The following ZNF570 variants were observed in gnomAD, a reference collection of about 807,000 sequenced individuals.
ZNF570 encodes zinc finger protein 570.
In ZNF570, 8 loss-of-function variants were observed where a neutral mutation model predicts 14.2. The observed-to-expected ratio is 0.56, with a 90% CI of 0.33 to 1.02. The LOEUF is 1.02. Ranked by LOEUF, ZNF570 falls within the 50% of genes least tolerant of loss-of-function variation. ZNF570 has a pLI of 0.03. For missense variants in ZNF570, 559 were observed against 624.9 expected (o/e 0.89, Z 1.12); for synonymous variants, 202 against 207.6 (o/e 0.97, Z 0.23).
At chr19:37,470,915 G>T (rs1170535996) in intron 2 of ZNF570, among the ~76,000 whole-genome samples, 1 of 151,094 alleles carries the variant, frequency 6.6e-6, no homozygotes. Context: ...GGCCAGGATG[G>T]TCTGAAACTC....
chr19:37,479,180 A>G (rs982289787), intron 4 of ZNF570, among the ~76,000 whole-genome samples: 3 of 151,984 alleles, frequency 2.0e-5, no homozygotes, highest in African/African-American at 4.8e-5. Flanking sequence ...CCTAGAGGCA[A>G]TTAGGGTATT....
In ZNF570 at chr19:37,472,598, C is replaced by T. The variant is rs1600377338; in HGVS notation, c.33+2211C>T. Among the ~76,000 whole-genome samples the T allele has an allele frequency of 3.3e-5, 5 of 151,894 alleles. No individual in the cohort carries two copies. The East Asian group carries it at 5.8e-4, about 18-fold the overall frequency. On this transcript the variant is annotated intron_variant, in intron 2 of 4. Coordinates refer to ENST00000330173, the MANE Select transcript of ZNF570 (RefSeq NM_144694.5). ...TCTACTAAAAACACAAAAAATTAAC[C>T]GGGCGTAGTTGCGCATGCCTGTAAT...
Position 37,483,918 on chromosome 19 carries a change from A to G in ZNF570, c.296A>G (p.Lys99Arg), listed in dbSNP as rs1177320359. ...TGTGAGACTGAAGAATTAACCCCAAAGCAGGATTTTTATGAAGAACATCAA... is the reference window on the plus strand; with the variant it reads ...TGTGAGACTGAAGAATTAACCCCAAGGCAGGATTTTTATGAAGAACATCAA... ...PICETEELTP[K>R]QDFYEEHQSQ... Residue 99 changes from lysine (K) to arginine (R), a missense_variant, in exon 5 of 5, where the codon AAG becomes AGG. Coordinates refer to ENST00000330173, the MANE Select transcript of ZNF570 (RefSeq NM_144694.5). 13 of 1,613,030 alleles carry G rather than the reference A, an allele frequency of 8.1e-6. No individual in the cohort carries two copies. The highest frequency in any genetic ancestry group is 1.0e-5 in the Non-Finnish European group (12 of 1,179,740).
At chr19:37,480,287 C>T (rs1414316363) in intron 4 of ZNF570, among the ~76,000 whole-genome samples, 1 of 151,614 alleles carries the variant, frequency 6.6e-6, no homozygotes, top group African/African-American at 2.4e-5. Flanking sequence ...AAATCGAGAC[C>T]AGCCTGGCTA....
Position 37,484,490 on chromosome 19 carries a change from G to A in ZNF570, c.868G>A (p.Val290Ile). ...AGCCTTCAGTCAGAATGCACACCTA[G>A]TTCAACATCTGCGAGTTCATACTGG... ...RKAFSQNAHL[V>I]QHLRVHTGEK... The change falls in exon 5 of 5, where the codon GTT becomes ATT. Residue 290 changes from valine to isoleucine, a missense_variant. Physicochemically the swap from Val to Ile is conservative, Grantham distance 29. Coordinates refer to ENST00000330173, the MANE Select transcript of ZNF570 (RefSeq NM_144694.5). 6.2e-7 allele frequency: 1 copy of A among 1,613,928 alleles called. No individual in the cohort carries two copies. The highest frequency in any genetic ancestry group is 8.5e-7 in the Non-Finnish European group (1 of 1,179,940).
upstream of ZNF570, chr19:37,468,095 T>C (rs923116650): frequency 3.2e-6 from 2 of 634,360 alleles, no homozygotes; most frequent in East Asian, 2.9e-5. Flanking sequence ...GTTTGTTTTG[T>C]TTTTTTTGAG....
chr19:37,469,235 G>A, upstream of ZNF570: 16 of 1,362,602 alleles, frequency 1.2e-5, no homozygotes, highest in South Asian at 6.5e-5. Flanking sequence ...GAGCTGCACC[G>A]CTGCTGCCAG....
chr19:37,481,047 T>C (rs1212910204), intron 4 of ZNF570, among the ~76,000 whole-genome samples: 1 of 152,194 alleles, frequency 6.6e-6, no homozygotes, highest in East Asian at 1.9e-4. Flanking sequence ...TTTATAAATA[T>C]TTATATACTA....
At chr19:37,481,355 A>G (rs914952271) in intron 4 of ZNF570, among the ~76,000 whole-genome samples, 11 of 151,898 alleles carry the variant, frequency 7.2e-5, no homozygotes, top group African/African-American at 1.9e-4. Flanking sequence ...GGGTTTCACT[A>G]TGTTGGCCAG....
At chr19:37,476,189 A>T (rs2042021136) in intron 3 of ZNF570, 150 bp from the exon 4 acceptor site, 2 of 1,255,142 alleles carry the variant, frequency 1.6e-6, no homozygotes, top group South Asian at 3.2e-5. Flanking sequence ...CTGAAGCTTC[A>T]TCTTCCTTAT....
Position 37,484,448 on chromosome 19 carries a change from T to G in ZNF570, c.826T>G (p.Cys276Gly). The change falls in exon 5 of 5, where the codon TGT becomes GGT. Residue 276 changes from cysteine (C) to glycine (G), a missense_variant. Coordinates refer to ENST00000330173, the MANE Select transcript of ZNF570 (RefSeq NM_144694.5). ...TCATACTGGAGAAAAACCCTATGAA[T>G]GTAAGGAATGTAGGAAAGCCTTCAG... ...RIHTGEKPYE[C>G]KECRKAFSQN... 1 of 1,614,068 alleles carries G rather than the reference T, an allele frequency of 6.2e-7. No individual in the cohort carries two copies. The highest frequency in any genetic ancestry group is 8.5e-7 in the Non-Finnish European group (1 of 1,180,002).
At chr19:37,471,499 C>T (rs2041964166) in intron 2 of ZNF570, among the ~76,000 whole-genome samples, 1 of 152,212 alleles carries the variant, frequency 6.6e-6, no homozygotes, top group Admixed American at 6.5e-5. Flanking sequence ...GTCCCTCATC[C>T]TGTTCTCTAC....
rs1266876508 is a variant in ZNF570 at position 37,484,150 on chromosome 19, G to T, written c.528G>T (p.Leu176=). ...KSWGSFHQNP[L]LCTQKIIPKE... is the part of the protein sequence containing the mutation. ...GGGGAAGTTTTCATCAGAACCCACT[G>T]CTTTGTACACAAAAGATAATCCCCA... is the stretch of plus-strand genomic sequence containing the variant. The change falls in exon 5 of 5, where the codon CTG becomes CTT. Residue 176 remains leucine (L), a synonymous_variant. Transcript: ENST00000330173. 6.2e-7 allele frequency: 1 copy of T among 1,613,694 alleles called. No individual in the cohort carries two copies. The highest frequency in any genetic ancestry group is 2.2e-5 in the East Asian group (1 of 44,870).
At chr19:37,469,669 G>T in intron 1 of ZNF570, 112 bp downstream of exon 1, 1 of 1,161,682 alleles carries the variant, frequency 8.6e-7, no homozygotes, top group South Asian at 1.4e-5. Flanking sequence ...AGTTGAGGCG[G>T]GAGCGGGCGA....
intron 2 of ZNF570, among the ~76,000 whole-genome samples, chr19:37,474,419 A>C (rs1235454885): frequency 6.6e-6 from 1 of 152,162 alleles, no homozygotes; most frequent in Non-Finnish European, 1.5e-5. Flanking sequence ...GTGACTGAGC[A>C]TTGAACTTGA....
chr19:37,485,374 C>T lies in ZNF570; in HGVS notation c.*141C>T. On this transcript the variant is annotated 3_prime_UTR_variant, in exon 5 of 5. Coordinates refer to ENST00000330173, the MANE Select transcript of ZNF570 (RefSeq NM_144694.5). ...TATTTATTTTTGCTACCTTTAAATC[C>T]ATTTCCCACAATGCACTCAAACGGA... 1.2e-6 allele frequency: 1 copy of T among 801,156 alleles called. No homozygotes were observed. The highest frequency in any genetic ancestry group is 1.8e-6 in the Non-Finnish European group (1 of 550,694). 49.6% of individuals were successfully genotyped at this position (801,156 alleles called of 1,614,324 possible).
chr19:37,470,695 C>CTTTTTTTTT (rs760686313), intron 2 of ZNF570, among the ~76,000 whole-genome samples: 58 of 92,978 alleles, frequency 6.2e-4, no homozygotes, highest in Admixed American at 7.9e-4. Context: ...CTTATTTATT[C>CTTTTTTTTT]TTTTTTTTTT....
chr19:37,473,203 A>G (rs2041988211), intron 2 of ZNF570, among the ~76,000 whole-genome samples: 1 of 152,230 alleles, frequency 6.6e-6, no homozygotes, highest in East Asian at 1.9e-4. Flanking sequence ...GAAATGTATC[A>G]TGCAGCATTT....
At chr19:37,469,306 G>A, upstream of ZNF570, 2 of 1,418,284 alleles carry the variant, frequency 1.4e-6, no homozygotes, top group South Asian at 1.5e-5. Context: ...CCCCGCGGGA[G>A]TTGGGCCGGC....
Sources: gnomAD v4.1 joint callset for allele counts (sites outside exome capture counted in the v4.1 genomes callset) on GRCh38, gnomAD v4.1.1 for gene constraint, MANE v1.5 for transcripts, NCBI Gene and HGNC (gene_info 2026-07-23, HGNC 2026-07-21) for gene names.